The following LHCGR variants were observed in gnomAD, a reference collection of about 807,000 sequenced individuals.
The protein encoded by LHCGR is luteinizing hormone/choriogonadotropin receptor.
LHCGR carries 55 observed loss-of-function variants against 60.7 expected under a neutral mutation model. That is an observed-to-expected ratio of 0.91 (90% CI 0.73 to 1.13). The LOEUF (loss-of-function observed/expected upper bound fraction) is 1.13. Ranked by LOEUF, LHCGR falls within the 50% of genes most tolerant of loss-of-function variation. The pLI is 0.00. For synonymous variants in LHCGR, 337 were observed against 316.5 expected, an observed-to-expected ratio of 1.06 and a Z score of -0.69; for missense variants, 862 against 836.0, an observed-to-expected ratio of 1.03 and a Z score of -0.38.
Position 48,725,744 on chromosome 2 carries a change from G to T in LHCGR, c.315C>A (p.Ile105=). The change falls in exon 4 of 11, where the codon ATC becomes ATA. Residue 105 remains isoleucine (I), a synonymous_variant. Transcript: ENST00000294954. ...TGTATCTCAGATTTTTGGTGTTCTG[G>T]ATCAGTCTGTAAAGAGAGAGGGAAA... ...DNLLNLSEIL[I]QNTKNLRYIE... is the part of the protein sequence containing the mutation. 1 of 1,610,044 alleles carries T rather than the reference G, an allele frequency of 6.2e-7. No individual in the cohort carries two copies. Among genetic ancestry groups the T allele is most frequent in the Non-Finnish European group, 8.5e-7 (1 of 1,176,654 alleles).
chr2:48,709,049 G>T (rs559254151), intron 7 of LHCGR, 27 bp from the exon 8 acceptor site: 7 of 1,581,986 alleles, frequency 4.4e-6, no homozygotes, highest in Non-Finnish European at 6.1e-6. Context: ...TGCCCTTAGT[G>T]GAGTTTGTAC....
chr2:48,755,364 C>T (rs1466518026), intron 1 of LHCGR, 147 bp downstream of exon 1: 6 of 620,750 alleles, frequency 9.7e-6, no homozygotes, highest in Non-Finnish European at 1.7e-5. Flanking sequence ...TCTCATCACC[C>T]TAAAACGTGG....
rs1325040199 is a variant in LHCGR at position 48,709,004 on chromosome 2, T to G, written c.624A>C (p.Val208=). Reference sequence around the variant, plus strand: ...CTCCATTGTGCATCTTCTCCAGATGTACGTTTTCCTTTAGCTCCCTGTGGG... The same window carrying G: ...CTCCATTGTGCATCTTCTCCAGATGGACGTTTTCCTTTAGCTCCCTGTGGG... ...TLTSLELKEN[V]HLEKMHNGAF... Residue 208 remains valine, a synonymous_variant, in exon 8 of 11, where the codon GTA becomes GTC. Transcript: ENST00000294954. 1 of 1,614,142 alleles carries G rather than the reference T, an allele frequency of 6.2e-7. No homozygotes were observed. The highest frequency in any genetic ancestry group is 2.2e-5 in the East Asian group (1 of 44,880).
intron 8 of LHCGR, among the ~76,000 whole-genome samples, chr2:48,705,034 T>C (rs1293423413): frequency 1.3e-5 from 2 of 152,262 alleles, no homozygotes; most frequent in African/African-American, 2.4e-5. Flanking sequence ...TTTAGTGCTA[T>C]AAATTTCCCT....
At chr2:48,754,602 C>G (rs1440515205) in intron 1 of LHCGR, among the ~76,000 whole-genome samples, 2 of 152,146 alleles carry the variant, frequency 1.3e-5, no homozygotes, top group South Asian at 2.1e-4. Context: ...ACCACCCCCC[C>G]GCCCCAAGCC....
chr2:48,741,224 C>T (rs1281727605), intron 1 of LHCGR, among the ~76,000 whole-genome samples: 1 of 152,150 alleles, frequency 6.6e-6, no homozygotes, highest in African/African-American at 2.4e-5. Context: ...ATTGGTGTAC[C>T]TGAAAGTGAC....
intron 1 of LHCGR, among the ~76,000 whole-genome samples, chr2:48,750,545 T>C (rs911905678): frequency 2.6e-5 from 4 of 152,212 alleles, no homozygotes; most frequent in Non-Finnish European, 5.9e-5. Context: ...TCAGAACCTA[T>C]AGCATTTTCT....
chr2:48,755,609 C>T lies in LHCGR; in HGVS notation c.63G>A (p.Leu21=), dbSNP rs756885117. The T allele has an allele frequency of 4.2e-5, 65 of 1,532,448 alleles. No individual in the cohort carries two copies. Among genetic ancestry groups the T allele is most frequent in the South Asian group, 3.7e-4 (31 of 83,812 alleles). The allele number at this position is 1,532,448 out of a possible 1,614,324, so 94.9% of individuals were successfully genotyped here. Residue 21 remains leucine, a synonymous_variant, in exon 1 of 11, where the codon CTG becomes CTA. Coordinates refer to ENST00000294954, the MANE Select transcript of LHCGR (RefSeq NM_000233.4). ...AGAGCGCCTCGCGCAGCGCTCGTGG[C>T]AGCGGCGGCTGCAGCAGCAGCAGCA... is the stretch of plus-strand genomic sequence containing the variant. ...LKLLLLLQPP[L]PRALREALCP...
chr2:48,708,675 C>A, intron 8 of LHCGR: 1 of 560,658 alleles, frequency 1.8e-6, no homozygotes, highest in Non-Finnish European at 3.2e-6. Flanking sequence ...ATGCTTTCTT[C>A]ACAGCCCTCA....
At chr2:48,705,481 A>T (rs78458923) in intron 8 of LHCGR, among the ~76,000 whole-genome samples, 1 of 152,156 alleles carries the variant, frequency 6.6e-6, no homozygotes, top group Non-Finnish European at 1.5e-5. Flanking sequence ...CCTAGTATTG[A>T]CAGTTGGATG....
chr2:48,729,995 G>A (rs1018813831), intron 2 of LHCGR, among the ~76,000 whole-genome samples: 7 of 152,178 alleles, frequency 4.6e-5, no homozygotes, highest in African/African-American at 1.7e-4. Flanking sequence ...TATATGATTC[G>A]CAAGCATGTA....
chr2:48,688,418 A>T lies in LHCGR; in HGVS notation c.1379T>A (p.Ile460Asn), dbSNP rs760365805. Residue 460 changes from isoleucine to asparagine, a missense_variant, in exon 11 of 11, where the codon ATC becomes AAC. Physicochemically the swap from Ile to Asn is moderately radical, Grantham distance 149. Coordinates refer to ENST00000294954, the MANE Select transcript of LHCGR (RefSeq NM_000233.4). This position sits in a 1 kb window ranked among gnomAD's most constrained non-coding sequence, Gnocchi z 5.2. Reference protein sequence around the residue: ...SELSVYTLTVITLERWHTITY... With the variant: ...SELSVYTLTVNTLERWHTITY... ...GATGGTGTGCCATCTTTCTAGAGTG[A>T]TGACGGTGAGGGTGTAGACAGAAAG... 1 of 1,614,214 alleles carries T rather than the reference A, an allele frequency of 6.2e-7. No individual in the cohort carries two copies. Among genetic ancestry groups the T allele is most frequent in the South Asian group, 1.1e-5 (1 of 91,084 alleles).
At chr2:48,752,600 A>C (rs933817481) in intron 1 of LHCGR, among the ~76,000 whole-genome samples, 1 of 149,834 alleles carries the variant, frequency 6.7e-6, no homozygotes, top group Admixed American at 6.7e-5. Context: ...ACTGTTTATC[A>C]TTTCATGCAT....
chr2:48,724,629 T>C (rs1269611304), intron 4 of LHCGR, among the ~76,000 whole-genome samples: 1 of 152,234 alleles, frequency 6.6e-6, no homozygotes, highest in Non-Finnish European at 1.5e-5. Flanking sequence ...AAATACTATT[T>C]AATAAAGACA....
chr2:48,742,121 C>A (rs1381345315), intron 1 of LHCGR, among the ~76,000 whole-genome samples: 1 of 151,780 alleles, frequency 6.6e-6, no homozygotes, highest in African/African-American at 2.4e-5. Flanking sequence ...GTAAAGGGAT[C>A]AATTCAACAA....
chr2:48,728,249 C>G (rs753019287), intron 3 of LHCGR, among the ~76,000 whole-genome samples: 3 of 152,102 alleles, frequency 2.0e-5, no homozygotes, highest in Non-Finnish European at 4.4e-5. Flanking sequence ...TTCCAAGCCT[C>G]CATTCCTTCC....
chr2:48,732,938 A>G (rs372797623), intron 1 of LHCGR: 3 of 534,538 alleles, frequency 5.6e-6, no homozygotes, highest in Non-Finnish European at 7.7e-6. Flanking sequence ...TCATTTAACA[A>G]AGGATCCGAG....
chr2:48,705,770 T>C (rs1667633109), intron 8 of LHCGR, among the ~76,000 whole-genome samples: 1 of 152,124 alleles, frequency 6.6e-6, no homozygotes, highest in Non-Finnish European at 1.5e-5. Flanking sequence ...AGCCCTTTAG[T>C]TTGAGCCTAT....
At chr2:48,733,024 T>C in intron 1 of LHCGR, 2 of 524,604 alleles carry the variant, frequency 3.8e-6, no homozygotes, top group South Asian at 2.9e-5. Context: ...GGAATCATGT[T>C]CGCTTGGCTT....
Sources: allele counts gnomAD v4.1 joint callset (sites outside exome capture counted in the v4.1 genomes callset), GRCh38; gene constraint gnomAD v4.1.1; non-coding constraint Gnocchi (gnomAD v3.1); transcripts MANE v1.5; gene names NCBI Gene and HGNC (gene_info 2026-07-23, HGNC 2026-07-21).